Variants in PDE11A observed in about 807,000 individuals in gnomAD.
PDE11A encodes dual 3',5'-cyclic-AMP and -GMP phosphodiesterase 11A.
PDE11A carries 100 observed loss-of-function variants against 100.5 expected under a neutral mutation model. The observed-to-expected ratio is 1.00, with a 90% CI of 0.85 to 1.18. The LOEUF is 1.18. Among genes scored for constraint, PDE11A ranks in the 50% most tolerant of loss-of-function variants. The pLI, the probability that PDE11A is intolerant of heterozygous loss-of-function variation, is 0.00. For missense variants in PDE11A, 1,141 were observed against 1,152.6 expected (o/e 0.99, Z 0.15); for synonymous variants, 381 against 420.8 (o/e 0.91, Z 1.16).
chr2:177,769,071 T>C (rs182380502), intron 10 of PDE11A, among the ~76,000 whole-genome samples: 30 of 152,316 alleles, frequency 2.0e-4, no homozygotes, highest in Admixed American at 3.3e-4. Context: ...GACTTTTTTT[T>C]CCCTGATATC....
intron 2 of PDE11A, chr2:177,998,354 T>C (rs1267947057): frequency 1.2e-5 from 10 of 812,580 alleles, no homozygotes; most frequent in South Asian, 9.3e-5. Context: ...CTTGAAGTAT[T>C]TGGCTGAACA....
intron 5 of PDE11A, among the ~76,000 whole-genome samples, chr2:177,858,978 C>T (rs1302496853): frequency 6.6e-6 from 1 of 152,028 alleles, no homozygotes; most frequent in Non-Finnish European, 1.5e-5. Flanking sequence ...CCATCATTCT[C>T]AGCAAACTAT....
At chr2:177,971,309 C>A (rs2085768038) in intron 2 of PDE11A, among the ~76,000 whole-genome samples, 1 of 152,136 alleles carries the variant, frequency 6.6e-6, no homozygotes. Context: ...TTCTCCCACA[C>A]AAACTGCCCA....
intron 3 of PDE11A, among the ~76,000 whole-genome samples, chr2:177,902,209 C>A (rs909159145): frequency 1.3e-5 from 2 of 152,114 alleles, no homozygotes; most frequent in Non-Finnish European, 2.9e-5. Flanking sequence ...TTGTTCCTGC[C>A]CCACCCTAAC....
intron 2 of PDE11A, among the ~76,000 whole-genome samples, chr2:178,002,423 T>C (rs2086156673): frequency 6.6e-6 from 1 of 152,220 alleles, no homozygotes; most frequent in South Asian, 2.1e-4. Context: ...TTCTTTTGGA[T>C]ATATACCCAG....
At chr2:178,018,518 T>G (rs989112476) in intron 1 of PDE11A, 2 of 451,378 alleles carry the variant, frequency 4.4e-6, no homozygotes, top group African/African-American at 4.0e-5. Flanking sequence ...AAAAAGTACT[T>G]ATCTTTGCCT....
intron 19 of PDE11A, among the ~76,000 whole-genome samples, chr2:177,663,447 A>G (rs897840293): frequency 6.6e-6 from 1 of 152,022 alleles, no homozygotes; most frequent in Non-Finnish European, 1.5e-5. Context: ...TTGTAAAAAA[A>G]AAAAATTTCC....
intron 19 of PDE11A, among the ~76,000 whole-genome samples, chr2:177,631,616 CAT>C (rs1371807391): frequency 1.8e-4 from 18 of 101,100 alleles, no homozygotes; most frequent in Admixed American, 3.2e-4. Context: ...TATATATATA[CAT>C]ATATGTGTGT....
intron 2 of PDE11A, among the ~76,000 whole-genome samples, chr2:178,009,562 GCT>G (rs34794477): frequency 0.6 from 91,785 of 151,778 alleles, 29,070 homozygotes; most frequent in Admixed American, 0.71. Flanking sequence ...TCAGGCAGAG[GCT>G]GGATGACTAT....
At chr2:177,955,538 A>C (rs2105785553) in intron 2 of PDE11A, among the ~76,000 whole-genome samples, 1 of 152,314 alleles carries the variant, frequency 6.6e-6, no homozygotes, top group South Asian at 2.1e-4. Flanking sequence ...TGTCTAAGAG[A>C]CATTGAAGAG....
chr2:177,849,046 A>G (rs376862384), intron 5 of PDE11A, among the ~76,000 whole-genome samples: 1 of 152,242 alleles, frequency 6.6e-6, no homozygotes, highest in Non-Finnish European at 1.5e-5. Context: ...GAAACTCTCA[A>G]GAGTCTTTCA....
chr2:178,036,447 C>G (rs2105845138), intron 1 of PDE11A, among the ~76,000 whole-genome samples: 1 of 152,154 alleles, frequency 6.6e-6, no homozygotes, highest in Non-Finnish European at 1.5e-5. Context: ...TCATACTGCC[C>G]AAAGTAACGT....
chr2:177,673,222 C>T (rs548097866), intron 17 of PDE11A, among the ~76,000 whole-genome samples: 19 of 152,216 alleles, frequency 1.2e-4, no homozygotes, highest in Admixed American at 7.2e-4. Context: ...GCCAAAGAAA[C>T]GCTAAGCCCA....
At chr2:177,952,067 C>T (rs543383224) in intron 2 of PDE11A, among the ~76,000 whole-genome samples, 4 of 151,516 alleles carry the variant, frequency 2.6e-5, no homozygotes, top group African/African-American at 7.2e-5. Context: ...CACCTCCTGC[C>T]ACTTCTCACT....
At chr2:177,802,383 G>T (rs539796748) in intron 9 of PDE11A, among the ~76,000 whole-genome samples, 27 of 152,118 alleles carry the variant, frequency 1.8e-4, no homozygotes, top group African/African-American at 6.3e-4. Flanking sequence ...CATAGCATAT[G>T]TTCACAAAAA....
intron 2 of PDE11A, among the ~76,000 whole-genome samples, chr2:177,907,681 A>G (rs1285694135): frequency 1.3e-5 from 2 of 152,218 alleles, no homozygotes; most frequent in Non-Finnish European, 2.9e-5. Context: ...GCCTTGGAAG[A>G]TAGAGATACT....
At position 177,680,827 on chromosome 2, in the gene PDE11A, GA is replaced by G; in HGVS notation, c.2421del (p.Arg808AspfsTer4). ...ACATAAACAAGAGCTTTTTCTTACC[GA>G]AATATATCACGATGGTTTTTGATGT... is the stretch of plus-strand genomic sequence containing the variant. ...DWNIKNHRDI[F>X]RSMLMTACDL... On this transcript the variant is annotated frameshift_variant and splice_region_variant, in exon 16 of 20. Coordinates refer to ENST00000286063, the MANE Select transcript of PDE11A (RefSeq NM_016953.4). LOFTEE classifies it high-confidence loss of function. 3 of 1,550,052 alleles carry G rather than the reference GA, an allele frequency of 1.9e-6. No individual in the cohort carries two copies. Among genetic ancestry groups the G allele is most frequent in the Non-Finnish European group, 2.7e-6 (3 of 1,123,342 alleles).
At chr2:178,018,259 G>A in intron 1 of PDE11A, 1 of 418,804 alleles carries the variant, frequency 2.4e-6, no homozygotes, top group Non-Finnish European at 4.7e-6. Context: ...CTCTGCGATG[G>A]ACTACTCCCT....
rs181203829 is a variant in PDE11A, at chr2:177,751,098, C to T, written c.1788+18225G>A. Among the ~76,000 whole-genome samples the T allele has an allele frequency of 7.3e-3, 1,089 of 149,460 alleles. 10 individuals are homozygous for T. The highest frequency in any genetic ancestry group is 0.024 in the Middle Eastern group (7 of 290). ...CTCACTTATGCATCCCAATTATCCC[C>T]TTTCTAATGCATAGAGTCATAGTGA... On this transcript the variant is annotated intron_variant, in intron 10 of 19. Coordinates refer to ENST00000286063, the MANE Select transcript of PDE11A (RefSeq NM_016953.4).
Sources: allele counts gnomAD v4.1 joint callset (sites outside exome capture counted in the v4.1 genomes callset), GRCh38; gene constraint gnomAD v4.1.1; transcripts MANE v1.5; gene names NCBI Gene and HGNC (gene_info 2026-07-23, HGNC 2026-07-21).